Variants in HOATZ observed in about 807,000 individuals in gnomAD.
HOATZ encodes HOATZ cilia and flagella associated protein.
A neutral mutation model predicts 24.9 loss-of-function variants in HOATZ; 26 were observed. The observed-to-expected ratio is 1.04, with a 90% confidence interval of 0.76 to 1.45. The LOEUF (loss-of-function observed/expected upper bound fraction) is 1.45. Ranked by LOEUF, HOATZ falls within the 40% of genes most tolerant of loss-of-function variation. The pLI is 0.00. For missense variants in HOATZ, 226 were observed against 201.5 expected (o/e 1.12, Z -0.74); for synonymous variants, 83 against 76.6 (o/e 1.08, Z -0.43).
At chr11:111,526,805 G>A (rs1867344670) in intron 3 of HOATZ, 1 of 152,064 alleles carries the variant, frequency 6.6e-6, no homozygotes, top group Non-Finnish European at 1.5e-5. Flanking sequence ...AGTCATTATG[G>A]GCAGAACAGG....
At chr11:111,533,673 AG>A (rs1867417551) in intron 3 of HOATZ, 72 bp from the exon 4 acceptor site, 1 of 1,024,588 alleles carries the variant, frequency 9.8e-7, no homozygotes, top group East Asian at 2.5e-5. Flanking sequence ...TGAAAATGGA[AG>A]AATTCTACCT....
At chr11:111,530,263 A>G (rs1222127092) in intron 3 of HOATZ, among the ~76,000 whole-genome samples, 1 of 152,220 alleles carries the variant, frequency 6.6e-6, no homozygotes, top group Non-Finnish European at 1.5e-5. Context: ...TGATTACTGC[A>G]TAGTTGTGGT....
chr11:111,532,084 TC>T, intron 3 of HOATZ, among the ~76,000 whole-genome samples: 1 of 152,080 alleles, frequency 6.6e-6, no homozygotes, highest in Non-Finnish European at 1.5e-5. Flanking sequence ...ATCTTCTGAG[TC>T]CCCACCCCTA....
In HOATZ at chr11:111,518,430, T is replaced by C. The variant is rs572318161; in HGVS notation, c.339+2320T>C. On this transcript the variant is annotated intron_variant, in intron 3 of 5. Coordinates refer to ENST00000375618, the MANE Select transcript of HOATZ (RefSeq NM_001100388.2). ...ATTTAGTGTTCATAACAACCAATTA[T>C]TGAATGTATATTAGGTACTGTACAC... Among the ~76,000 whole-genome samples, 4 of 152,330 alleles carry C rather than the reference T, an allele frequency of 2.6e-5. No individual in the cohort carries two copies. In the East Asian group the frequency reaches 7.7e-4, roughly 29 times the overall value.
At chr11:111,515,138 G>A in intron 1 of HOATZ, 128 bp downstream of exon 1, 1 of 660,040 alleles carries the variant, frequency 1.5e-6, no homozygotes, top group Non-Finnish European at 2.6e-6. Context: ...ACAAATGCAT[G>A]TATAAATATT....
rs201017744 is a variant in HOATZ at position 111,532,971 on chromosome 11, G to GA, written c.340-768dup. Among the ~76,000 whole-genome samples the GA allele has an allele frequency of 3.4e-3, 520 of 152,098 alleles. 2 individuals are homozygous for GA. Among genetic ancestry groups the GA allele is most frequent in the African/African-American group, 0.012 (487 of 41,502 alleles). The stretch of plus-strand genomic sequence containing the variant: ...AAAACTTAATATAGATGAATTCTGT[G>GA]AAAAAAATGGAACCTATATTTGCCT... On this transcript the variant is annotated intron_variant, in intron 3 of 5. Coordinates refer to ENST00000375618, the MANE Select transcript of HOATZ (RefSeq NM_001100388.2).
intron 3 of HOATZ, among the ~76,000 whole-genome samples, chr11:111,532,161 A>G (rs1029309448): frequency 2.6e-5 from 4 of 152,142 alleles, no homozygotes; most frequent in Non-Finnish European, 2.9e-5. Context: ...CGTACCCTAT[A>G]TTAACCCCAC....
Position 111,516,120 on chromosome 11 carries a change from T to C in HOATZ, c.339+10T>C, listed in dbSNP as rs1363656406. 2 of 1,521,264 alleles carry C rather than the reference T, an allele frequency of 1.3e-6. No homozygotes were observed. Among genetic ancestry groups the C allele is most frequent in the Non-Finnish European group, 9.0e-7 (1 of 1,109,428 alleles). 94.2% of individuals were successfully genotyped at this position (1,521,264 alleles called of 1,614,324 possible). Reference sequence around the variant, plus strand: ...AAAGTATCTCCAAAAGGTAGGCCAATATTTCAGAAGGTCATCTGATCATCA... The same window carrying C: ...AAAGTATCTCCAAAAGGTAGGCCAACATTTCAGAAGGTCATCTGATCATCA... On this transcript the variant is annotated intron_variant, in intron 3 of 5. Coordinates refer to ENST00000375618, the MANE Select transcript of HOATZ (RefSeq NM_001100388.2).
At position 111,524,976 on chromosome 11, in the gene HOATZ, C is replaced by G. The variant is rs1259140049; in HGVS notation, c.340-8770C>G. 3 of 396,024 alleles carry G rather than the reference C, an allele frequency of 7.6e-6. No individual in the cohort carries two copies. The East Asian group carries it at 2.3e-4, about 31-fold the overall frequency. 24.5% of individuals were successfully genotyped at this position (396,024 alleles called of 1,614,324 possible). ...TTCTCGGATTCAGGTGATTCTCCCA[C>G]CTCAGCCTCAGCCTCCAAAGTTTCT... On this transcript the variant is annotated intron_variant, in intron 3 of 5. Coordinates refer to ENST00000375618, the MANE Select transcript of HOATZ (RefSeq NM_001100388.2).
intron 3 of HOATZ, among the ~76,000 whole-genome samples, chr11:111,529,093 T>C (rs954500786): frequency 8.5e-5 from 13 of 152,340 alleles, no homozygotes; most frequent in African/African-American, 3.1e-4. Flanking sequence ...CAAGGCCTGA[T>C]ATCTAGCAGT....
intron 3 of HOATZ, among the ~76,000 whole-genome samples, chr11:111,529,615 G>A (rs1293673951): frequency 6.6e-6 from 1 of 151,992 alleles, no homozygotes; most frequent in Non-Finnish European, 1.5e-5. Context: ...TCTTGCCTCA[G>A]CCTCCCAAAT....
chr11:111,524,860 CT>C (rs1224209341), intron 3 of HOATZ: 2 of 441,988 alleles, frequency 4.5e-6, no homozygotes, highest in Non-Finnish European at 9.0e-6. Context: ...TGCATATTTT[CT>C]TTTTCTTTTC....
chr11:111,526,257 T>C (rs924844176), intron 3 of HOATZ, among the ~76,000 whole-genome samples: 4 of 152,128 alleles, frequency 2.6e-5, no homozygotes, highest in South Asian at 2.1e-4. Flanking sequence ...AGGGTTTAAA[T>C]TGGGGAATGA....
At chr11:111,516,173 T>A (rs1867196631) in intron 3 of HOATZ, 63 bp downstream of exon 3, 1 of 1,029,752 alleles carries the variant, frequency 9.7e-7, no homozygotes, top group African/African-American at 1.6e-5. Flanking sequence ...CTTGATTTTT[T>A]AAACACATGT....
intron 3 of HOATZ, among the ~76,000 whole-genome samples, chr11:111,528,338 CA>C (rs934667288): frequency 4.6e-5 from 7 of 151,114 alleles, no homozygotes; most frequent in African/African-American, 1.7e-4. Flanking sequence ...GACCCTGTCT[CA>C]AAAAAAAGAA....
At chr11:111,528,841 GTGTGTGTTTGAAGTC>G (rs1425464834) in intron 3 of HOATZ, among the ~76,000 whole-genome samples, 2 of 152,180 alleles carry the variant, frequency 1.3e-5, no homozygotes, top group Non-Finnish European at 2.9e-5. Flanking sequence ...TCTGAAGTCT[GTGTGTGTTTGAAGTC>G]TGTGTGTTTG....
At chr11:111,521,297 G>A (rs914398856) in intron 3 of HOATZ, among the ~76,000 whole-genome samples, 13 of 152,104 alleles carry the variant, frequency 8.5e-5, no homozygotes, top group Non-Finnish European at 1.3e-4. Flanking sequence ...CATGAAAGTG[G>A]AAAACTTTTT....
chr11:111,533,745 G>T lies in HOATZ; in HGVS notation c.340-1G>T. 1.9e-6 allele frequency: 3 copies of T among 1,586,738 alleles called. No individual in the cohort carries two copies. The highest frequency in any genetic ancestry group is 2.6e-6 in the Non-Finnish European group (3 of 1,171,920). ...ACCCACTTTTTTCTTTCTTTAAACA[G>T]GCTAAAACAAGAGAAGAGATTCTCC... On this transcript the variant is annotated splice_acceptor_variant, in intron 3 of 5. Transcript: ENST00000375618. LOFTEE classifies it high-confidence loss of function.
At chr11:111,527,384 T>C (rs1421946532) in intron 3 of HOATZ, among the ~76,000 whole-genome samples, 2 of 152,192 alleles carry the variant, frequency 1.3e-5, no homozygotes, top group African/African-American at 4.8e-5. Flanking sequence ...ATTTTTCAAA[T>C]GAAAAGTGTA....
Sources: allele counts gnomAD v4.1 joint callset (sites outside exome capture counted in the v4.1 genomes callset), GRCh38; gene constraint gnomAD v4.1.1; transcripts MANE v1.5; gene names NCBI Gene and HGNC (gene_info 2026-07-23, HGNC 2026-07-21).